KCNMB2: variants seen among roughly 807,000 people sequenced by gnomAD.
The protein encoded by KCNMB2 is calcium-activated potassium channel subunit beta-2.
In KCNMB2, 9 loss-of-function variants were observed where a neutral mutation model predicts 24.5. That is an observed-to-expected ratio of 0.37 (90% CI 0.22 to 0.64). The LOEUF is 0.64. KCNMB2 is among the 30% of genes least tolerant of loss of function. The pLI is 0.63. For missense variants in KCNMB2, 226 were observed against 284.3 expected (o/e 0.79, Z 1.47); for synonymous variants, 109 against 104.4 (o/e 1.04, Z -0.27).
intron 1 of KCNMB2, among the ~76,000 whole-genome samples, chr3:178,606,674 G>A (rs957029793): frequency 1.3e-5 from 2 of 151,952 alleles, no homozygotes; most frequent in African/African-American, 4.8e-5. Context: ...ACATGATTTG[G>A]GGGTGGGGGC....
intron 1 of KCNMB2, among the ~76,000 whole-genome samples, chr3:178,795,818 T>C (rs1312364857): frequency 6.6e-6 from 1 of 152,186 alleles, no homozygotes; most frequent in African/African-American, 2.4e-5. Context: ...AAATATAATA[T>C]ACTAAATAAA....
intron 1 of KCNMB2, among the ~76,000 whole-genome samples, chr3:178,669,402 T>C (rs1320021520): frequency 6.6e-6 from 1 of 152,072 alleles, no homozygotes; most frequent in Non-Finnish European, 1.5e-5. Flanking sequence ...GGACAGAGTG[T>C]AGACATTGCA....
intron 1 of KCNMB2, among the ~76,000 whole-genome samples, chr3:178,604,788 C>G (rs1718215478): frequency 1.3e-5 from 2 of 152,196 alleles, no homozygotes; most frequent in African/African-American, 2.4e-5. Flanking sequence ...GGTCCTGCTG[C>G]TGGCTAACTT....
intron 1 of KCNMB2, among the ~76,000 whole-genome samples, chr3:178,634,283 T>A (rs924364540): frequency 6.6e-6 from 1 of 152,126 alleles, no homozygotes; most frequent in Non-Finnish European, 1.5e-5. Flanking sequence ...GCAGTCCCAA[T>A]TTACTGTATT....
At chr3:178,801,501 G>A (rs1183173055) in intron 1 of KCNMB2, among the ~76,000 whole-genome samples, 2 of 152,110 alleles carry the variant, frequency 1.3e-5, no homozygotes, top group Admixed American at 1.3e-4. Context: ...AATTGGGAGA[G>A]AAAAGTATTT....
chr3:178,810,497 G>A (rs1168920724), intron 2 of KCNMB2, among the ~76,000 whole-genome samples: 1 of 152,126 alleles, frequency 6.6e-6, no homozygotes, highest in Non-Finnish European at 1.5e-5. Flanking sequence ...TTCAGTGGAA[G>A]GAAAAGTTCA....
At position 178,701,530 on chromosome 3, in the gene KCNMB2, C is replaced by T. The variant is rs534692397; in HGVS notation, c.-67-105813C>T. Among the ~76,000 whole-genome samples the T allele has an allele frequency of 3.2e-3, 489 of 151,650 alleles. 4 individuals carry two copies. Among genetic ancestry groups the T allele is most frequent in the Non-Finnish European group, 3.5e-3 (237 of 67,846 alleles). On this transcript the variant is annotated intron_variant, in intron 1 of 4. Coordinates refer to ENST00000452583, the MANE Select transcript of KCNMB2 (RefSeq NM_181361.3). The stretch of plus-strand genomic sequence containing the variant: ...GTAGCTTGATGGGGATGGCATTGGG[C>T]TAATATCCAGAATCTACAAAGAACT...
rs150279339 is a variant in KCNMB2 at position 178,566,854 on chromosome 3, T to C, written c.-68+30143T>C. On this transcript the variant is annotated intron_variant, in intron 1 of 4. Coordinates refer to ENST00000452583, the MANE Select transcript of KCNMB2 (RefSeq NM_181361.3). ...TGCTTAACAATGTACGTTCATATTG[T>C]ATGAATTAACCACCTAATGGCTACC... 4.5e-3 allele frequency among the ~76,000 whole-genome samples: 678 copies of C among 152,336 alleles called. 9 individuals carry two copies. Among genetic ancestry groups the C allele is most frequent in the African/African-American group, 0.016 (645 of 41,580 alleles).
chr3:178,647,209 T>G (rs1719951432), intron 1 of KCNMB2, among the ~76,000 whole-genome samples: 1 of 152,070 alleles, frequency 6.6e-6, no homozygotes, highest in African/African-American at 2.4e-5. Flanking sequence ...CTGCAACCCT[T>G]TATAAGACAC....
intron 1 of KCNMB2, among the ~76,000 whole-genome samples, chr3:178,622,555 G>A (rs1043408138): frequency 2.0e-5 from 3 of 152,214 alleles, no homozygotes; most frequent in African/African-American, 7.2e-5. Flanking sequence ...CCCAAGGCCA[G>A]AGTTATCTTA....
At position 178,655,089 on chromosome 3, in the gene KCNMB2, GCTCTCC is replaced by G. The variant is rs1322650042; in HGVS notation, c.-68+118384_-68+118389del. ...TTAGTGTAAAGTTCAGTAAATATTA[GCTCTCC>G]CTCTCTCTCTCTCTCTCTCTCTCTC... On this transcript the variant is annotated intron_variant, in intron 1 of 4. Coordinates refer to ENST00000452583, the MANE Select transcript of KCNMB2 (RefSeq NM_181361.3). Among the ~76,000 whole-genome samples, 138 of 77,948 alleles carry G rather than the reference GCTCTCC, an allele frequency of 1.8e-3. 1 individual carries two copies. Among genetic ancestry groups the G allele is most frequent in the African/African-American group, 6.0e-3 (119 of 19,964 alleles). The allele number at this position is 77,948 out of a possible 152,430, so 51.1% of individuals were successfully genotyped here. A position where few individuals can be genotyped will look rare whatever the true frequency, so the allele number is the denominator to read the frequency against.
At chr3:178,686,669 C>T (rs904284088) in intron 1 of KCNMB2, among the ~76,000 whole-genome samples, 3 of 152,182 alleles carry the variant, frequency 2.0e-5, no homozygotes, top group Non-Finnish European at 4.4e-5. Context: ...CAAGTAACAC[C>T]TCTTTGTGTA....
chr3:178,568,455 A>G (rs1716603898), intron 1 of KCNMB2, among the ~76,000 whole-genome samples: 1 of 152,200 alleles, frequency 6.6e-6, no homozygotes, highest in Non-Finnish European at 1.5e-5. Flanking sequence ...TCCAGATTAC[A>G]CATTCATAAA....
At chr3:178,579,398 A>G (rs550304712) in intron 1 of KCNMB2, among the ~76,000 whole-genome samples, 28 of 152,220 alleles carry the variant, frequency 1.8e-4, no homozygotes, top group Non-Finnish European at 3.7e-4. Flanking sequence ...ATAGCACTAA[A>G]TGCCCACAGG....
At chr3:178,709,869 T>C (rs1256426654) in intron 1 of KCNMB2, among the ~76,000 whole-genome samples, 1 of 152,068 alleles carries the variant, frequency 6.6e-6, no homozygotes, top group Non-Finnish European at 1.5e-5. Flanking sequence ...GGGAGAAAAA[T>C]ATTTTCACTG....
At chr3:178,636,837 TCCACCA>T (rs67610955) in intron 1 of KCNMB2, among the ~76,000 whole-genome samples, 104,427 of 151,448 alleles carry the variant, frequency 0.69, 36,576 homozygotes, top group African/African-American at 0.83. Flanking sequence ...CACAGATCAT[TCCACCA>T]CCCAAGTATT....
At chr3:178,664,445 C>A (rs1385093812) in intron 1 of KCNMB2, among the ~76,000 whole-genome samples, 1 of 152,026 alleles carries the variant, frequency 6.6e-6, no homozygotes, top group Non-Finnish European at 1.5e-5. Flanking sequence ...ACAACCTGGG[C>A]ATGCACTCCT....
At chr3:178,664,626 G>A (rs545934562) in intron 1 of KCNMB2, among the ~76,000 whole-genome samples, 3 of 152,070 alleles carry the variant, frequency 2.0e-5, no homozygotes, top group South Asian at 4.1e-4. Context: ...CCCTGTATCT[G>A]AAAGATTCAT....
At chr3:178,638,531 A>G (rs1719609447) in intron 1 of KCNMB2, among the ~76,000 whole-genome samples, 1 of 152,184 alleles carries the variant, frequency 6.6e-6, no homozygotes. Flanking sequence ...TTCTGCCTCC[A>G]AACACCTACA....
Sources: gnomAD v4.1 joint callset for allele counts (sites outside exome capture counted in the v4.1 genomes callset) on GRCh38, gnomAD v4.1.1 for gene constraint, MANE v1.5 for transcripts, NCBI Gene and HGNC (gene_info 2026-07-23, HGNC 2026-07-21) for gene names.